Variants in LRRC28 observed in about 807,000 individuals in gnomAD.
The protein encoded by LRRC28 is leucine-rich repeat-containing protein 28.
Under a neutral mutation model 45.7 loss-of-function variants are expected in LRRC28, and 39 were observed. The ratio of observed to expected loss-of-function variants is 0.85; its 90% confidence interval spans 0.66 to 1.12. The LOEUF is 1.12. Among genes scored for constraint, LRRC28 ranks in the 50% most tolerant of loss-of-function variants. The pLI is 0.00. For synonymous variants in LRRC28, 206 were observed against 178.8 expected (o/e 1.15, Z -1.22); for missense variants, 435 against 438.5 (o/e 0.99, Z 0.07).
At chr15:99,302,483 G>T (rs574749355) in intron 5 of LRRC28, among the ~76,000 whole-genome samples, 6 of 151,942 alleles carry the variant, frequency 3.9e-5, no homozygotes, top group African/African-American at 1.2e-4. Flanking sequence ...CTGCCTCCCC[G>T]GTTCAAGCAA....
intron 5 of LRRC28, among the ~76,000 whole-genome samples, chr15:99,293,587 C>CTT (rs2152225775): frequency 4.7e-5 from 1 of 21,476 alleles, no homozygotes; most frequent in South Asian, 1.3e-3. Context: ...GAACGAAACT[C>CTT]TGTCACAAAA....
Position 99,316,747 on chromosome 15 carries a change from C to T in LRRC28, c.386-17176C>T, listed in dbSNP as rs192122569. ...AAAAAAAAAAAACTCTTTGAACATC[C>T]TTCAGGAGAACTACAAGAATAAAAC... On this transcript the variant is annotated intron_variant, in intron 5 of 9. Transcript: ENST00000301981. 2.6e-4 allele frequency among the ~76,000 whole-genome samples: 39 copies of T among 151,760 alleles called. 1 individual carries two copies. The East Asian group carries it at 7.5e-3, about 29-fold the overall frequency.
chr15:99,267,297 A>T (rs965846631), intron 2 of LRRC28, among the ~76,000 whole-genome samples: 1 of 152,178 alleles, frequency 6.6e-6, no homozygotes, highest in Non-Finnish European at 1.5e-5. Context: ...TAGTAGTAGG[A>T]TCTGGATCAA....
At chr15:99,360,972 T>C (rs1465250660) in intron 7 of LRRC28, 1 of 158,378 alleles carries the variant, frequency 6.3e-6, no homozygotes, top group African/African-American at 2.4e-5. Flanking sequence ...GTACTCTTTT[T>C]TTTTCTTTTA....
chr15:99,342,580 C>G (rs1001510100), intron 6 of LRRC28, among the ~76,000 whole-genome samples: 4 of 152,196 alleles, frequency 2.6e-5, no homozygotes, highest in African/African-American at 9.6e-5. Context: ...CTGTTTTACT[C>G]TGTAACTAGA....
intron 1 of LRRC28, chr15:99,252,055 A>G (rs1042847083): frequency 1.3e-5 from 2 of 151,964 alleles, no homozygotes; most frequent in Non-Finnish European, 2.9e-5. Context: ...GAGGTTTTTG[A>G]TTTTTTTGTT....
intron 6 of LRRC28, among the ~76,000 whole-genome samples, chr15:99,339,405 C>G (rs145410074): frequency 2.6e-5 from 4 of 152,102 alleles, no homozygotes; most frequent in African/African-American, 9.7e-5. Flanking sequence ...TCCACTTTAG[C>G]GATGGAATTC....
rs559129974 is a variant in LRRC28 at position 99,273,488 on chromosome 15, C to T, written c.169-3088C>T. Among the ~76,000 whole-genome samples, 117 of 152,154 alleles carry T rather than the reference C, an allele frequency of 7.7e-4. 1 individual carries two copies. The highest frequency in any genetic ancestry group is 1.5e-3 in the Non-Finnish European group (102 of 68,034). ...TGCTGACCTCGTGATCTGCCCGCCT[C>T]GGCCTCCCAAAGTGCTGAGATTACA... On this transcript the variant is annotated intron_variant, in intron 2 of 9. Transcript: ENST00000301981.
At chr15:99,366,845 T>C (rs1302157136) in intron 9 of LRRC28, among the ~76,000 whole-genome samples, 1 of 152,020 alleles carries the variant, frequency 6.6e-6, no homozygotes, top group African/African-American at 2.4e-5. Context: ...GGCTATACAA[T>C]TCAACCCATA....
At chr15:99,273,205 A>G (rs2081526925) in intron 2 of LRRC28, among the ~76,000 whole-genome samples, 1 of 152,076 alleles carries the variant, frequency 6.6e-6, no homozygotes, top group African/African-American at 2.4e-5. Flanking sequence ...AGTTTTGGGC[A>G]TCTATTCCTA....
rs963355453 is a variant in LRRC28, at chr15:99,311,000, C to T, written c.386-22923C>T. ...ACAAAAAACCACAGTGAGTAATGCACGTAGGTCTTGGCCCTGTGTGGGTCA... is the reference window on the plus strand; with the variant it reads ...ACAAAAAACCACAGTGAGTAATGCATGTAGGTCTTGGCCCTGTGTGGGTCA... On this transcript the variant is annotated intron_variant, in intron 5 of 9. Transcript: ENST00000301981. 1.1e-4 allele frequency among the ~76,000 whole-genome samples: 17 copies of T among 152,142 alleles called. 1 individual carries two copies. The highest frequency in any genetic ancestry group is 1.0e-3 in the Admixed American group (16 of 15,264).
chr15:99,362,308 A>G (rs895826338), intron 8 of LRRC28, among the ~76,000 whole-genome samples: 3 of 152,224 alleles, frequency 2.0e-5, no homozygotes, highest in African/African-American at 4.8e-5. Flanking sequence ...CAATCAGTCA[A>G]TTCCATTTTT....
At chr15:99,333,888 G>T in intron 5 of LRRC28, 35 bp from the exon 6 acceptor site, 1 of 1,600,500 alleles carries the variant, frequency 6.2e-7, no homozygotes, top group Non-Finnish European at 8.6e-7. Context: ...AGTTCATAAG[G>T]ATGCAATTTA....
chr15:99,358,090 C>G (rs879722785), intron 7 of LRRC28, among the ~76,000 whole-genome samples: 2 of 152,082 alleles, frequency 1.3e-5, no homozygotes, highest in Non-Finnish European at 2.9e-5. Context: ...TTTCAGACAC[C>G]TAAAAGAATT....
chr15:99,311,202 T>C (rs1345691914), intron 5 of LRRC28, among the ~76,000 whole-genome samples: 1 of 152,210 alleles, frequency 6.6e-6, no homozygotes, highest in Non-Finnish European at 1.5e-5. Context: ...GTTGTGTACT[T>C]GCATTTTGAC....
intron 2 of LRRC28, chr15:99,257,628 C>T: frequency 1.4e-6 from 1 of 697,556 alleles, no homozygotes; most frequent in Non-Finnish European, 2.7e-6. Context: ...CAGCCACAAG[C>T]TGTGAAGGCC....
At chr15:99,360,308 A>C (rs1184994457) in intron 7 of LRRC28, among the ~76,000 whole-genome samples, 1 of 152,038 alleles carries the variant, frequency 6.6e-6, no homozygotes, top group Non-Finnish European at 1.5e-5. Flanking sequence ...ATTAAGTCAG[A>C]TATTGTCTTA....
intron 7 of LRRC28, among the ~76,000 whole-genome samples, chr15:99,356,746 G>A (rs574842790): frequency 2.6e-5 from 4 of 152,268 alleles, no homozygotes; most frequent in East Asian, 1.9e-4. Flanking sequence ...AAAACCATGC[G>A]TAGGCAAAGC....
chr15:99,274,482 A>G (rs2081565161), intron 2 of LRRC28, among the ~76,000 whole-genome samples: 1 of 152,196 alleles, frequency 6.6e-6, no homozygotes, highest in African/African-American at 2.4e-5. Flanking sequence ...TACCAAACTA[A>G]TGTCATTTGT....
Sources: gnomAD v4.1 joint callset for allele counts (sites outside exome capture counted in the v4.1 genomes callset) on GRCh38, gnomAD v4.1.1 for gene constraint, MANE v1.5 for transcripts, NCBI Gene and HGNC (gene_info 2026-07-23, HGNC 2026-07-21) for gene names.